Variants in ADCY7 observed in about 807,000 individuals in gnomAD.
ADCY7 encodes adenylate cyclase type 7.
ADCY7 carries 72 observed loss-of-function variants against 120.6 expected under a neutral mutation model. The ratio of observed to expected loss-of-function variants is 0.60; its 90% CI spans 0.49 to 0.73. ADCY7 has a LOEUF of 0.73. ADCY7 is among the 30% of genes least tolerant of loss of function. The pLI is 0.00. For synonymous variants in ADCY7, 661 were observed against 628.0 expected (o/e 1.05, Z -0.78); for missense variants, 1,227 against 1,486.0 (o/e 0.83, Z 2.87).
In ADCY7 at chr16:50,292,805, C is replaced by T. The variant is rs766519192; in HGVS notation, c.667C>T (p.Arg223Cys). ...GTGCATCCAGATCCGCCGGAAGCTG[C>T]GCATCGAGAAGCGCCAGCAGGTGGG... is the stretch of plus-strand genomic sequence containing the variant. ...VKCIQIRRKL[R>C]IEKRQQENLL... Residue 223 changes from arginine (R) to cysteine (C), a missense_variant, in exon 5 of 26, where the codon CGC becomes TGC. Physicochemically the swap from Arg to Cys is radical, Grantham distance 180. Transcript: ENST00000673801. 42 of 1,613,504 alleles carry T rather than the reference C, an allele frequency of 2.6e-5. No homozygotes were observed. Among genetic ancestry groups the T allele is most frequent in the Non-Finnish European group, 3.1e-5 (37 of 1,179,966 alleles).
intron 18 of ADCY7, 79 bp downstream of exon 18, chr16:50,309,725 A>G (rs748109969): frequency 1.3e-5 from 17 of 1,283,140 alleles, no homozygotes; most frequent in Non-Finnish European, 1.8e-5. Context: ...GGACCCTCAA[A>G]GCATGGGTGC....
chr16:50,305,626 C>T, intron 13 of ADCY7, 40 bp downstream of exon 13: 1 of 1,553,186 alleles, frequency 6.4e-7, no homozygotes, highest in Non-Finnish European at 8.8e-7. Context: ...TCTCCTCTCC[C>T]CCTCGGATAG....
At chr16:50,258,390 C>T (rs926575521) in intron 1 of ADCY7, among the ~76,000 whole-genome samples, 7 of 152,184 alleles carry the variant, frequency 4.6e-5, no homozygotes, top group African/African-American at 1.4e-4. Flanking sequence ...TGTAGGAGAG[C>T]TTCCTATAAT....
rs1243654966 is a variant in ADCY7 at position 50,297,632 on chromosome 16, C to T, written c.949-1272C>T. Among the ~76,000 whole-genome samples, 1 of 152,112 alleles carries T rather than the reference C, an allele frequency of 6.6e-6. No individual in the cohort carries two copies. The highest frequency in any genetic ancestry group is 1.5e-5 in the Non-Finnish European group (1 of 68,008). On this transcript the variant is annotated intron_variant, in intron 7 of 25. Transcript: ENST00000673801. The surrounding 1 kb of genome is among the most constrained non-coding windows in gnomAD (Gnocchi z 4.4). The stretch of plus-strand genomic sequence containing the variant: ...GGCCAGGGATGGTTCCCAGGCTGGG[C>T]AGGTGCAGGGGACCTGGAGGCAGGG...
intron 1 of ADCY7, among the ~76,000 whole-genome samples, chr16:50,273,122 G>A (rs1416268459): frequency 5.9e-5 from 9 of 152,180 alleles, no homozygotes; most frequent in African/African-American, 1.9e-4. Flanking sequence ...TGCTCACCCT[G>A]GTGTCTGGAG....
chr16:50,286,726 T>C (rs2034606004), intron 1 of ADCY7, among the ~76,000 whole-genome samples: 1 of 152,164 alleles, frequency 6.6e-6, no homozygotes, highest in Admixed American at 6.5e-5. Context: ...CATCTGTGTG[T>C]GATCACCTGA....
At chr16:50,304,589 G>A (rs1465208040) in intron 11 of ADCY7, 38 bp downstream of exon 11, 5 of 1,511,232 alleles carry the variant, frequency 3.3e-6, no homozygotes, top group Admixed American at 2.2e-5. Context: ...AGGGATTGGG[G>A]CCCCAAGCCA....
At chr16:50,313,186 G>GT in intron 22 of ADCY7, 150 bp downstream of exon 22, 1 of 1,047,824 alleles carries the variant, frequency 9.5e-7, no homozygotes, top group Non-Finnish European at 1.3e-6. Flanking sequence ...GGAGGTCAAG[G>GT]TGGGTGGATC....
Position 50,315,457 on chromosome 16 carries a change from C to CT in ADCY7, c.3198dup (p.Val1067CysfsTer32). On this transcript the variant is annotated frameshift_variant, in exon 26 of 26. Transcript: ENST00000673801. LOFTEE classifies it high-confidence loss of function. ...AAGGCAAAGGCGAGCTGAGGACTTA[C>CT]TTTGTCTGTACGGACACTGCCAAGT... 1.2e-6 allele frequency: 2 copies of CT among 1,614,170 alleles called. No individual in the cohort carries two copies. The highest frequency in any genetic ancestry group is 2.2e-5 in the East Asian group (1 of 44,876).
intron 1 of ADCY7, among the ~76,000 whole-genome samples, chr16:50,258,274 G>A (rs2032971657): frequency 1.3e-5 from 2 of 152,150 alleles, no homozygotes; most frequent in South Asian, 4.1e-4. Flanking sequence ...AATGAGGTCT[G>A]CATGATGAGA....
chr16:50,250,150 A>G (rs2150775205), intron 1 of ADCY7, among the ~76,000 whole-genome samples: 1 of 152,324 alleles, frequency 6.6e-6, no homozygotes, highest in Admixed American at 6.5e-5. Context: ...AGGACACTGA[A>G]GAGAGGTGAC....
intron 12 of ADCY7, among the ~76,000 whole-genome samples, chr16:50,305,261 G>A (rs1452815792): frequency 2.6e-5 from 4 of 152,212 alleles, no homozygotes; most frequent in African/African-American, 4.8e-5. Context: ...GGGTGTAGCC[G>A]AAGATGCCTT....
At chr16:50,271,926 G>T (rs564213242) in intron 1 of ADCY7, among the ~76,000 whole-genome samples, 1 of 152,262 alleles carries the variant, frequency 6.6e-6, no homozygotes, top group Non-Finnish European at 1.5e-5. Flanking sequence ...AAGGGACGCC[G>T]GGATACCCTC....
rs2036667072 is a variant in ADCY7 at position 50,314,337 on chromosome 16, A to C, written c.2902A>C (p.Ser968Arg). 6.2e-7 allele frequency: 1 copy of C among 1,614,084 alleles called. No homozygotes were observed. The highest frequency in any genetic ancestry group is 1.3e-5 in the African/African-American group (1 of 74,948). Reference sequence around the variant, plus strand: ...CCACATTGGTGTCATGGTGGAGTTCAGCATCGCCCTGATGAGTAAGCTGGA... The same window carrying C: ...CCACATTGGTGTCATGGTGGAGTTCCGCATCGCCCTGATGAGTAAGCTGGA... ...HAHIGVMVEFSIALMSKLDGI... is the reference protein window; with the variant it reads ...HAHIGVMVEFRIALMSKLDGI... Residue 968 changes from serine (S) to arginine (R), a missense_variant, in exon 24 of 26, where the codon AGC (serine) becomes CGC (arginine). Physicochemically the swap from Ser to Arg is moderately radical, Grantham distance 110. Transcript: ENST00000673801.
intron 5 of ADCY7, 147 bp downstream of exon 5, chr16:50,292,972 A>T (rs1244002688): frequency 1.9e-6 from 2 of 1,079,586 alleles, no homozygotes; most frequent in East Asian, 4.8e-5. Context: ...GGGCTCCAGC[A>T]GGGTAACCAT....
rs116714649 is a variant in ADCY7 at position 50,292,265 on chromosome 16, T to G, written c.537+368T>G. 3.4e-3 allele frequency among the ~76,000 whole-genome samples: 525 copies of G among 152,322 alleles called. 6 individuals carry two copies. The highest frequency in any genetic ancestry group is 0.012 in the African/African-American group (507 of 41,576). ...CCCAGGGCACTGCCTTGTGTCTTTG[T>G]GTTGAATGAGTGAATCTTCTGTTCA... On this transcript the variant is annotated intron_variant, in intron 4 of 25. Transcript: ENST00000673801.
intron 24 of ADCY7, 55 bp downstream of exon 24, chr16:50,314,461 C>T (rs1002393301): frequency 1.5e-6 from 2 of 1,361,636 alleles, no homozygotes; most frequent in Non-Finnish European, 1.0e-6. Flanking sequence ...GCCAGTCCAC[C>T]CAGTCTGTGT....
chr16:50,277,864 G>A (rs1054459389), intron 1 of ADCY7, among the ~76,000 whole-genome samples: 1 of 151,824 alleles, frequency 6.6e-6, no homozygotes, highest in Non-Finnish European at 1.5e-5. Flanking sequence ...TAGAGATGGG[G>A]TTTCACCGTG....
intron 1 of ADCY7, among the ~76,000 whole-genome samples, chr16:50,269,107 C>T (rs1188691214): frequency 6.6e-6 from 1 of 152,192 alleles, no homozygotes; most frequent in African/African-American, 2.4e-5. Flanking sequence ...ACATGCACCC[C>T]ACTCTACAAT....
Sources: gnomAD v4.1 joint callset for allele counts (sites outside exome capture counted in the v4.1 genomes callset) on GRCh38, gnomAD v4.1.1 for gene constraint, Gnocchi (gnomAD v3.1) non-coding constraint, MANE v1.5 for transcripts, NCBI Gene and HGNC (gene_info 2026-07-23, HGNC 2026-07-21) for gene names.